The following NDRG3 variants were observed in gnomAD, a reference collection of about 807,000 sequenced individuals.
NDRG3 encodes the protein protein NDRG3.
In NDRG3, 23 loss-of-function variants were observed where a neutral mutation model predicts 57.2. The observed-to-expected ratio is 0.40, with a 90% CI of 0.29 to 0.57. The LOEUF is 0.57. Among genes scored for constraint, NDRG3 ranks in the 20% least tolerant of loss-of-function variants. The pLI, the probability that NDRG3 is intolerant of heterozygous loss-of-function variation, is 0.42. For missense variants in NDRG3, 384 were observed against 457.3 expected (o/e 0.84, Z 1.46); for synonymous variants, 132 against 162.6 (o/e 0.81, Z 1.43).
intron 1 of NDRG3, among the ~76,000 whole-genome samples, chr20:36,742,367 T>A (rs186618925): frequency 6.6e-6 from 1 of 152,322 alleles, no homozygotes; most frequent in Admixed American, 6.5e-5. Flanking sequence ...AAACCTTTAG[T>A]GGCTAAAAAG....
At chr20:36,715,090 A>C (rs1460771499) in intron 2 of NDRG3, among the ~76,000 whole-genome samples, 2 of 142,864 alleles carry the variant, frequency 1.4e-5, no homozygotes, top group Non-Finnish European at 3.0e-5. Context: ...ATTACCTTCA[A>C]AATATACTAA....
chr20:36,708,647 C>CAAAAAAAAAAAAAAAAAAAAA (rs746647555), intron 2 of NDRG3, among the ~76,000 whole-genome samples: 1 of 62,648 alleles, frequency 1.6e-5, no homozygotes, highest in Non-Finnish European at 3.1e-5. Context: ...GACTCCGTCT[C>CAAAAAAAAAAAAAAAAAAAAA]AAAAAAAAAA....
chr20:36,741,647 C>T (rs1272199867), intron 1 of NDRG3, among the ~76,000 whole-genome samples: 1 of 152,126 alleles, frequency 6.6e-6, no homozygotes, highest in African/African-American at 2.4e-5. Context: ...TGTCAGTATA[C>T]CCCCACACCT....
At chr20:36,680,944 C>T (rs1335750214) in intron 7 of NDRG3, 42 bp from the exon 8 acceptor site, 2 of 1,515,278 alleles carry the variant, frequency 1.3e-6, no homozygotes, top group East Asian at 2.3e-5. Context: ...AGCTACACTC[C>T]CACAGTTCTT....
At chr20:36,703,458 CTATA>C (rs1451867570) in intron 3 of NDRG3, among the ~76,000 whole-genome samples, 1 of 136,510 alleles carries the variant, frequency 7.3e-6, no homozygotes, top group Non-Finnish European at 1.6e-5. Flanking sequence ...ATCTATCTAT[CTATA>C]TGTGTGTGTG....
rs202074601 is a variant in NDRG3 at position 36,687,588 on chromosome 20, A to C, written c.224T>G (p.Phe75Cys). Residue 75 changes from phenylalanine (F) to cysteine (C), a missense_variant, in exon 5 of 16, where the codon TTT (phenylalanine) becomes TGT (cysteine). Physicochemically the swap from Phe to Cys is radical, Grantham distance 205. Transcript: ENST00000349004. ...GATCTCTTGCATATCCTCAAAGTTA[A>C]AGAATGCATTGAAACAGGATTTATC... The part of the protein sequence containing the change: ...LNHKSCFNAF[F>C]NFEDMQEITQ... 5.0e-6 allele frequency: 8 copies of C among 1,613,966 alleles called. No homozygotes were observed. In the African/African-American group the frequency reaches 6.7e-5, roughly 13 times the overall value.
In NDRG3 at chr20:36,653,395, G is replaced by C. The variant is rs1195818823; in HGVS notation, c.*125C>G. 1.2e-6 allele frequency: 1 copy of C among 805,356 alleles called. No homozygotes were observed. The highest frequency in any genetic ancestry group is 1.9e-6 in the Non-Finnish European group (1 of 515,188). The allele number at this position is 805,356 out of a possible 1,614,324, so 49.9% of individuals were successfully genotyped here. A position where few individuals can be genotyped will look rare whatever the true frequency, so the allele number is the denominator to read the frequency against. On this transcript the variant is annotated 3_prime_UTR_variant, in exon 16 of 16. Coordinates refer to ENST00000349004, the MANE Select transcript of NDRG3 (RefSeq NM_032013.4). This position sits in a 1 kb window ranked among gnomAD's most constrained non-coding sequence, Gnocchi z 4.2. Reference sequence around the variant, plus strand: ...AGAGAATGATAAATCCAGGCTACTAGAGAGAGGTTCAGTGGCCATGCATGA... The same window carrying C: ...AGAGAATGATAAATCCAGGCTACTACAGAGAGGTTCAGTGGCCATGCATGA...
intron 1 of NDRG3, among the ~76,000 whole-genome samples, chr20:36,744,231 T>TA (rs1450023503): frequency 1.3e-5 from 2 of 152,122 alleles, no homozygotes; most frequent in Non-Finnish European, 2.9e-5. Context: ...GCAAGACTCT[T>TA]ATCTGCAAGT....
At chr20:36,744,274 G>C (rs1474003670) in intron 1 of NDRG3, among the ~76,000 whole-genome samples, 1 of 152,110 alleles carries the variant, frequency 6.6e-6, no homozygotes, top group Non-Finnish European at 1.5e-5. Flanking sequence ...GGAGGCCTTT[G>C]AGTGGTAAAT....
At chr20:36,740,956 C>T (rs116906545) in intron 1 of NDRG3, among the ~76,000 whole-genome samples, 3,889 of 152,062 alleles carry the variant, frequency 0.026, 107 homozygotes, top group Admixed American at 0.087. Context: ...GCTAAGTTTT[C>T]GTGTGCTATT....
intron 1 of NDRG3, among the ~76,000 whole-genome samples, chr20:36,731,957 C>T (rs1043394306): frequency 1.3e-5 from 2 of 151,790 alleles, no homozygotes; most frequent in Non-Finnish European, 2.9e-5. Flanking sequence ...CCCATCTCTA[C>T]AAAAAATTAA....
At chr20:36,663,277 T>G (rs991462778) in intron 12 of NDRG3, among the ~76,000 whole-genome samples, 1 of 152,170 alleles carries the variant, frequency 6.6e-6, no homozygotes, top group African/African-American at 2.4e-5. Context: ...ATGTTATCCT[T>G]TCACATCTGC....
intron 11 of NDRG3, 61 bp from the exon 12 acceptor site, chr20:36,665,158 C>G (rs1221669980): frequency 6.2e-7 from 1 of 1,607,996 alleles, no homozygotes; most frequent in Non-Finnish European, 8.5e-7. Flanking sequence ...CACTGAACAC[C>G]AAATTAGTCT....
At chr20:36,726,100 T>A (rs1288589462) in intron 1 of NDRG3, among the ~76,000 whole-genome samples, 1 of 152,140 alleles carries the variant, frequency 6.6e-6, no homozygotes, top group African/African-American at 2.4e-5. Flanking sequence ...AAAAAACATT[T>A]TTTTTAGAGA....
At chr20:36,732,594 G>A (rs546424253) in intron 1 of NDRG3, among the ~76,000 whole-genome samples, 89 of 152,218 alleles carry the variant, frequency 5.8e-4, no homozygotes, top group South Asian at 3.1e-3. Flanking sequence ...CCCTGACAGG[G>A]CTGGAATTCT....
At chr20:36,724,246 A>G (rs1226256529) in intron 1 of NDRG3, among the ~76,000 whole-genome samples, 2 of 152,178 alleles carry the variant, frequency 1.3e-5, no homozygotes, top group Admixed American at 6.6e-5. Flanking sequence ...TCCTCAGGCT[A>G]TGAACCCCAC....
At chr20:36,695,414 A>G (rs1431494085) in intron 3 of NDRG3, among the ~76,000 whole-genome samples, 3 of 152,250 alleles carry the variant, frequency 2.0e-5, no homozygotes, top group Non-Finnish European at 2.9e-5. Context: ...GGACAGAGCC[A>G]TATTTCTCTT....
chr20:36,664,698 CTTTT>C (rs918460677), intron 12 of NDRG3, among the ~76,000 whole-genome samples: 1 of 151,530 alleles, frequency 6.6e-6, no homozygotes, highest in East Asian at 1.9e-4. Flanking sequence ...GTGTTACATA[CTTTT>C]TTTTTGAGGC....
At chr20:36,732,792 T>C (rs1229179743) in intron 1 of NDRG3, among the ~76,000 whole-genome samples, 1 of 152,112 alleles carries the variant, frequency 6.6e-6, no homozygotes, top group African/African-American at 2.4e-5. Flanking sequence ...TCTCAGCTTG[T>C]ATCTCATTCT....
Sources: gnomAD v4.1 joint callset for allele counts (sites outside exome capture counted in the v4.1 genomes callset) on GRCh38, gnomAD v4.1.1 for gene constraint, Gnocchi (gnomAD v3.1) non-coding constraint, MANE v1.5 for transcripts, NCBI Gene and HGNC (gene_info 2026-07-23, HGNC 2026-07-21) for gene names.